SGCD: variants seen among roughly 807,000 people sequenced by gnomAD.
The protein encoded by SGCD is sarcoglycan delta.
In SGCD, 18 loss-of-function variants were observed where a neutral mutation model predicts 36.6. That is an observed-to-expected ratio of 0.49 (90% CI 0.34 to 0.73). The LOEUF (loss-of-function observed/expected upper bound fraction) is 0.73, where lower values mean the gene tolerates loss of function less well. SGCD is among the 30% of genes least tolerant of loss of function. The probability of loss-of-function intolerance (pLI) is 0.01; values close to 1 mark genes in which losing one functional copy is unlikely to be tolerated. For missense variants in SGCD, 387 were observed against 346.7 expected, an observed-to-expected ratio of 1.12 and a Z score of -0.92; for synonymous variants, 133 against 130.6, an observed-to-expected ratio of 1.02 and a Z score of -0.12.
At chr5:156,372,491 T>C (rs1216254611) in intron 3 of SGCD, among the ~76,000 whole-genome samples, 2 of 152,200 alleles carry the variant, frequency 1.3e-5, no homozygotes, top group African/African-American at 4.8e-5. Context: ...TAGTCTTCAT[T>C]TGGGCTTAGA....
chr5:156,731,416 A>G (rs1333792172), intron 7 of SGCD, among the ~76,000 whole-genome samples: 1 of 152,170 alleles, frequency 6.6e-6, no homozygotes, highest in African/African-American at 2.4e-5. Context: ...ATTTTTGTGT[A>G]TGATGTAAGG....
chr5:156,747,416 G>C (rs994911122), intron 7 of SGCD, among the ~76,000 whole-genome samples: 12 of 152,194 alleles, frequency 7.9e-5, no homozygotes, highest in African/African-American at 2.4e-4. Context: ...TGAGGATGCT[G>C]TTAAGCTATT....
intron 3 of SGCD, among the ~76,000 whole-genome samples, chr5:156,396,750 A>G (rs1771872255): frequency 6.6e-6 from 1 of 152,208 alleles, no homozygotes; most frequent in Non-Finnish European, 1.5e-5. Flanking sequence ...CTGACATCTT[A>G]GTATATGGCA....
intron 1 of SGCD, among the ~76,000 whole-genome samples, chr5:156,079,032 A>AAG (rs1554117665): frequency 6.6e-5 from 10 of 151,086 alleles, no homozygotes; most frequent in African/African-American, 2.2e-4. Context: ...AAAAAAAAAA[A>AAG]AAAAAGAAAA....
chr5:156,653,493 C>CTTTTTTTTTTTTTTTTTTTTTTTTT lies in SGCD; in HGVS notation c.575+5972_575+5973insTTTTTTTTTTTTTTTTTTTTTTTTT, dbSNP rs111458843. The stretch of plus-strand genomic sequence containing the variant: ...TTTTCTTACGTAATTCTAAAGCTTG[C>CTTTTTTTTTTTTTTTTTTTTTTTTT]TTTTTTTTTTTTTTTGCCCCTGTTG... On this transcript the variant is annotated intron_variant, in intron 7 of 8. Transcript: ENST00000337851. Among the ~76,000 whole-genome samples the CTTTTTTTTTTTTTTTTTTTTTTTTT allele has an allele frequency of 1.5e-3, 70 of 48,100 alleles. 26 individuals are homozygous for CTTTTTTTTTTTTTTTTTTTTTTTTT. Among genetic ancestry groups the CTTTTTTTTTTTTTTTTTTTTTTTTT allele is most frequent in the Non-Finnish European group, 2.1e-3 (53 of 24,954 alleles). 31.6% of individuals were successfully genotyped at this position (48,100 alleles called of 152,430 possible). A position where few individuals can be genotyped will look rare whatever the true frequency, so the allele number is the denominator to read the frequency against.
the SGCD span, among the ~76,000 whole-genome samples, chr5:155,763,697 T>A: frequency 2.6e-5 from 4 of 152,324 alleles, no homozygotes; most frequent in South Asian, 2.1e-4. Context: ...TGAACATATG[T>A]GTTGATATTG....
chr5:155,957,535 T>C (rs563730840), intron 1 of SGCD, among the ~76,000 whole-genome samples: 1 of 152,130 alleles, frequency 6.6e-6, no homozygotes, highest in African/African-American at 2.4e-5. Context: ...TAGGGGAGAA[T>C]CTATATCCTC....
chr5:156,025,843 C>A (rs1018384246), intron 1 of SGCD, among the ~76,000 whole-genome samples: 7 of 152,202 alleles, frequency 4.6e-5, no homozygotes, highest in Admixed American at 1.3e-4. Context: ...TCCTGGGTGA[C>A]AAGAAAGAAT....
chr5:156,445,987 A>G (rs1561700736), intron 3 of SGCD, among the ~76,000 whole-genome samples: 1 of 152,128 alleles, frequency 6.6e-6, no homozygotes, highest in Non-Finnish European at 1.5e-5. Flanking sequence ...AATAGAGTCT[A>G]TAATCTCTAG....
chr5:155,996,796 A>G (rs1383609982), intron 1 of SGCD, among the ~76,000 whole-genome samples: 1 of 150,644 alleles, frequency 6.6e-6, no homozygotes, highest in Non-Finnish European at 1.5e-5. Context: ...AAAAAAAAAG[A>G]TAAAAATAAA....
intron 3 of SGCD, among the ~76,000 whole-genome samples, chr5:156,477,729 CTTCTGAATTTTGTTTTAATGA>C (rs1300745064): frequency 2.0e-5 from 3 of 147,418 alleles, no homozygotes; most frequent in Admixed American, 1.4e-4. Context: ...ATAGGCACTT[CTTCTGAATTTTGTTTTAATGA>C]TTTGAACTAA....
the SGCD span, among the ~76,000 whole-genome samples, chr5:155,786,143 G>T: frequency 6.6e-6 from 1 of 152,096 alleles, no homozygotes; most frequent in Non-Finnish European, 1.5e-5. Context: ...TGCTCCATTT[G>T]CAATAATATC....
At chr5:156,250,944 G>A (rs373668925) in intron 3 of SGCD, among the ~76,000 whole-genome samples, 5 of 152,244 alleles carry the variant, frequency 3.3e-5, no homozygotes, top group East Asian at 1.9e-4. Context: ...TTGAAAACAC[G>A]CATTGCTCTG....
Position 156,508,679 on chromosome 5 carries a change from G to C in SGCD, c.271G>C (p.Ala91Pro). Residue 91 changes from alanine (A) to proline (P), a missense_variant, in exon 4 of 9, where the codon GCC becomes CCC. Coordinates refer to ENST00000337851, the MANE Select transcript of SGCD (RefSeq NM_000337.6). ...CTCTGAATTCTTACAACCTCTCTAC[G>C]CCAAAGAAATCCAGTCCCGACCAGT... ...GDSEFLQPLYAKEIQSRPGNA... is the reference protein window; with the variant it reads ...GDSEFLQPLYPKEIQSRPGNA... 6.2e-7 allele frequency: 1 copy of C among 1,605,756 alleles called. No individual in the cohort carries two copies. Among genetic ancestry groups the C allele is most frequent in the Non-Finnish European group, 8.5e-7 (1 of 1,174,518 alleles).
intron 3 of SGCD, among the ~76,000 whole-genome samples, chr5:156,480,395 C>A (rs1347545499): frequency 6.6e-6 from 1 of 152,198 alleles, no homozygotes; most frequent in Non-Finnish European, 1.5e-5. Context: ...ATTACATTGG[C>A]ATACCACATA....
intron 3 of SGCD, among the ~76,000 whole-genome samples, chr5:156,264,754 T>A (rs1484269383): frequency 1.3e-5 from 2 of 152,136 alleles, no homozygotes; most frequent in East Asian, 3.9e-4. Flanking sequence ...TTAACCAAGC[T>A]CAGAGCACTG....
intron 6 of SGCD, among the ~76,000 whole-genome samples, chr5:156,644,736 G>A (rs1323839934): frequency 7.2e-5 from 11 of 151,970 alleles, no homozygotes; most frequent in Non-Finnish European, 4.4e-5. Context: ...TTAATAATTG[G>A]GGAAATCCAA....
chr5:155,771,817 A>G, the SGCD span, among the ~76,000 whole-genome samples: 1 of 152,068 alleles, frequency 6.6e-6, no homozygotes. Flanking sequence ...CTCCCAAAGC[A>G]CTGGGATTAT....
intron 3 of SGCD, among the ~76,000 whole-genome samples, chr5:156,141,473 G>C (rs1052311962): frequency 2.0e-5 from 3 of 152,236 alleles, no homozygotes; most frequent in East Asian, 1.9e-4. Context: ...GGCCTTGAAG[G>C]CCCAACCCTT....
Sources: allele counts gnomAD v4.1 joint callset (sites outside exome capture counted in the v4.1 genomes callset), GRCh38; gene constraint gnomAD v4.1.1; transcripts MANE v1.5; gene names NCBI Gene and HGNC (gene_info 2026-07-23, HGNC 2026-07-21).